The following TENM3 variants were observed in gnomAD, a reference collection of about 807,000 sequenced individuals.
TENM3 encodes the protein teneurin-3.
TENM3 carries 63 observed loss-of-function variants against 255.1 expected under a neutral mutation model. The ratio of observed to expected loss-of-function variants is 0.25; its 90% CI spans 0.20 to 0.30. The LOEUF (loss-of-function observed/expected upper bound fraction) is 0.30, where lower values mean the gene tolerates loss of function less well. Ranked by LOEUF, TENM3 falls within the 10% of genes least tolerant of loss-of-function variation. The pLI, the probability that TENM3 is intolerant of heterozygous loss-of-function variation, is 1.00. For synonymous variants in TENM3, 1,306 were observed against 1,322.3 expected, an observed-to-expected ratio of 0.99 and a Z score of 0.27; for missense variants, 2,929 against 3,461.1, an observed-to-expected ratio of 0.85 and a Z score of 3.86.
intron 3 of TENM3, among the ~76,000 whole-genome samples, chr4:182,478,395 G>A (rs1335330013): frequency 6.6e-6 from 1 of 151,232 alleles, no homozygotes; most frequent in Non-Finnish European, 1.5e-5. Flanking sequence ...TATTCATTCT[G>A]CTTATGTCAT....
At chr4:182,660,169 G>A (rs899320110) in intron 6 of TENM3, among the ~76,000 whole-genome samples, 2 of 152,160 alleles carry the variant, frequency 1.3e-5, no homozygotes, top group African/African-American at 4.8e-5. Context: ...ATCTTTACTA[G>A]ACTATAAGGC....
the TENM3 span, among the ~76,000 whole-genome samples, chr4:181,756,832 C>T: frequency 1.3e-5 from 2 of 152,170 alleles, no homozygotes; most frequent in Non-Finnish European, 2.9e-5. Context: ...TCCTTCTGTG[C>T]CCTGGGGATT....
At chr4:182,669,024 T>G (rs1418650307) in intron 6 of TENM3, among the ~76,000 whole-genome samples, 1 of 152,146 alleles carries the variant, frequency 6.6e-6, no homozygotes, top group Admixed American at 6.5e-5. Context: ...AGATGAAACT[T>G]GTTAATGACA....
chr4:182,457,919 T>C (rs1774002219), intron 3 of TENM3, among the ~76,000 whole-genome samples: 2 of 152,204 alleles, frequency 1.3e-5, no homozygotes, highest in South Asian at 2.1e-4. Flanking sequence ...GGTTTTGTTT[T>C]GATTTTAGTC....
At chr4:181,866,978 C>T in the TENM3 span, among the ~76,000 whole-genome samples, 1 of 152,080 alleles carries the variant, frequency 6.6e-6, no homozygotes, top group South Asian at 2.1e-4. Context: ...TGTTTTGTTT[C>T]GTTTTAAATC....
rs1178107306 is a variant in TENM3 at position 182,287,771 on chromosome 4, A to G, written c.-75-36175A>G. ...TGGGACTACAGGCGCCCTCCACCAC[A>G]CCCGTCTAATTTTGTTTTCGTATTT... On this transcript the variant is annotated intron_variant, in intron 1 of 27. Transcript: ENST00000511685. Among the ~76,000 whole-genome samples the G allele has an allele frequency of 2.7e-5, 4 of 149,970 alleles. No individual in the cohort carries two copies. The East Asian group carries it at 6.0e-4, about 22-fold the overall frequency.
chr4:181,887,520 T>C, the TENM3 span, among the ~76,000 whole-genome samples: 1 of 152,212 alleles, frequency 6.6e-6, no homozygotes, highest in African/African-American at 2.4e-5. Context: ...TGCCTCTCTA[T>C]CCAGTCTTCA....
At chr4:182,392,405 G>T (rs1247786238) in intron 3 of TENM3, among the ~76,000 whole-genome samples, 1 of 152,210 alleles carries the variant, frequency 6.6e-6, no homozygotes. Flanking sequence ...GTAATAAAAA[G>T]TAAGCTCACA....
At chr4:182,262,795 G>A (rs1192428466) in intron 1 of TENM3, among the ~76,000 whole-genome samples, 1 of 145,432 alleles carries the variant, frequency 6.9e-6, no homozygotes. Flanking sequence ...CTCACTCCAA[G>A]CTCCGCCTCC....
At chr4:182,167,346 A>T (rs1410287395) in intron 1 of TENM3, among the ~76,000 whole-genome samples, 1 of 152,256 alleles carries the variant, frequency 6.6e-6, no homozygotes. Context: ...TATAAATTTT[A>T]CATAATTAGT....
chr4:182,417,120 C>T (rs960077960), intron 3 of TENM3, among the ~76,000 whole-genome samples: 12 of 151,864 alleles, frequency 7.9e-5, no homozygotes, highest in Non-Finnish European at 1.8e-4. Context: ...ATTACAGGCG[C>T]CTGCCACCAC....
chr4:181,576,101 C>T, the TENM3 span, among the ~76,000 whole-genome samples: 1 of 152,118 alleles, frequency 6.6e-6, no homozygotes, highest in African/African-American at 2.4e-5. Context: ...ATCATCCGCC[C>T]CTCCTACCCC....
chr4:182,205,201 G>A (rs1356522170), intron 1 of TENM3, among the ~76,000 whole-genome samples: 2 of 152,138 alleles, frequency 1.3e-5, no homozygotes, highest in African/African-American at 2.4e-5. Flanking sequence ...CTTCCACCCC[G>A]TGTCTATCAC....
intron 3 of TENM3, among the ~76,000 whole-genome samples, chr4:182,494,760 T>C (rs1368930664): frequency 6.6e-6 from 1 of 152,196 alleles, no homozygotes; most frequent in African/African-American, 2.4e-5. Context: ...ATTTGTGTTT[T>C]ACTCGAAGGT....
the TENM3 span, among the ~76,000 whole-genome samples, chr4:181,788,222 A>G: frequency 6.6e-6 from 1 of 152,170 alleles, no homozygotes; most frequent in Non-Finnish European, 1.5e-5. Context: ...CCCTCTGATG[A>G]TGATTATCAT....
the TENM3 span, among the ~76,000 whole-genome samples, chr4:181,562,656 G>A: frequency 2.6e-5 from 4 of 151,784 alleles, no homozygotes. Context: ...AAGGAGAACA[G>A]AGAACAAATA....
intron 3 of TENM3, among the ~76,000 whole-genome samples, chr4:182,540,863 A>T (rs1022369798): frequency 9.2e-5 from 14 of 152,218 alleles, no homozygotes; most frequent in African/African-American, 3.4e-4. Context: ...TAACCTAGTT[A>T]GGAGGATCAG....
At chr4:182,033,553 A>T in the TENM3 span, among the ~76,000 whole-genome samples, 2 of 152,180 alleles carry the variant, frequency 1.3e-5, no homozygotes, top group Non-Finnish European at 2.9e-5. Flanking sequence ...TATCAGGTCC[A>T]CTTGATCCAG....
intron 4 of TENM3, among the ~76,000 whole-genome samples, chr4:182,612,076 T>C (rs1162360003): frequency 6.6e-6 from 1 of 151,944 alleles, no homozygotes; most frequent in Non-Finnish European, 1.5e-5. Context: ...GAGACCAGCC[T>C]GGCCAACACG....
Sources: allele counts gnomAD v4.1 joint callset (sites outside exome capture counted in the v4.1 genomes callset), GRCh38; gene constraint gnomAD v4.1.1; transcripts MANE v1.5; gene names NCBI Gene and HGNC (gene_info 2026-07-23, HGNC 2026-07-21).